The following NAALADL2 variants were observed in gnomAD, a reference collection of about 807,000 sequenced individuals.
NAALADL2 encodes the protein N-acetylated alpha-linked acidic dipeptidase like 2.
NAALADL2 carries 76 observed loss-of-function variants against 87.2 expected under a neutral mutation model. That is an observed-to-expected ratio of 0.87 (90% CI 0.72 to 1.05). NAALADL2 has a LOEUF of 1.05. Ranked by LOEUF, NAALADL2 falls within the 50% of genes least tolerant of loss-of-function variation. NAALADL2 has a pLI of 0.00. For missense variants in NAALADL2, 1,089 were observed against 945.8 expected, an observed-to-expected ratio of 1.15 and a Z score of -1.99; for synonymous variants, 354 against 331.0, an observed-to-expected ratio of 1.07 and a Z score of -0.75.
At chr3:175,153,034 T>C (rs1440164823) in intron 2 of NAALADL2, among the ~76,000 whole-genome samples, 2 of 152,308 alleles carry the variant, frequency 1.3e-5, no homozygotes, top group African/African-American at 2.4e-5. Context: ...ACTTCTAACA[T>C]TGATATGCAT....
intron 11 of NAALADL2, among the ~76,000 whole-genome samples, chr3:175,717,483 G>A (rs745605033): frequency 2.6e-5 from 4 of 152,042 alleles, no homozygotes; most frequent in Non-Finnish European, 4.4e-5. Context: ...CTTGAGCCCA[G>A]GAGTTTGAGA....
chr3:175,525,406 TTC>T (rs1175054803), intron 9 of NAALADL2, among the ~76,000 whole-genome samples: 4 of 152,140 alleles, frequency 2.6e-5, no homozygotes, highest in Non-Finnish European at 5.9e-5. Flanking sequence ...TACTTATCCA[TTC>T]TCTGAGTCTA....
chr3:175,221,511 T>C (rs1743363936), intron 2 of NAALADL2, among the ~76,000 whole-genome samples: 1 of 152,130 alleles, frequency 6.6e-6, no homozygotes, highest in South Asian at 2.1e-4. Context: ...GTTTTTCTTT[T>C]TCTGCTTATT....
In NAALADL2 at chr3:174,771,949, CAT is replaced by C. The variant is rs1166385300; in HGVS notation, c.-9+34206_-9+34207del. Among the ~76,000 whole-genome samples, 6 of 152,280 alleles carry C rather than the reference CAT, an allele frequency of 3.9e-5. No individual in the cohort carries two copies. In the South Asian group the frequency reaches 6.2e-4, roughly 16 times the overall value. On this transcript the variant is annotated intron_variant, in intron 3 of 3. Coordinates refer to the NAALADL2 transcript ENST00000434257. ...ACTGTTCATTCTTACTCTTATCAAACATATGTGATCAGGCATTGCTCTAGGTA... is the reference window on the plus strand; with the variant it reads ...ACTGTTCATTCTTACTCTTATCAAACATGTGATCAGGCATTGCTCTAGGTA...
intron 3 of NAALADL2, among the ~76,000 whole-genome samples, chr3:174,750,936 C>T (rs980995731): frequency 6.6e-6 from 1 of 152,026 alleles, no homozygotes; most frequent in Non-Finnish European, 1.5e-5. Context: ...TCCAGTCAGC[C>T]CTATATGCCA....
chr3:175,176,600 G>A (rs1223924276), intron 2 of NAALADL2, among the ~76,000 whole-genome samples: 2 of 152,074 alleles, frequency 1.3e-5, no homozygotes, highest in Non-Finnish European at 2.9e-5. Flanking sequence ...TTGGATCAGT[G>A]GGGTGGGCCT....
intron 1 of NAALADL2, among the ~76,000 whole-genome samples, chr3:174,908,320 C>G (rs1036553007): frequency 2.0e-5 from 3 of 151,994 alleles, no homozygotes; most frequent in Non-Finnish European, 2.9e-5. Context: ...TTTTAGAGCT[C>G]AAGGACAGAA....
At chr3:174,861,007 A>G (rs1215570211) in intron 1 of NAALADL2, among the ~76,000 whole-genome samples, 1 of 152,132 alleles carries the variant, frequency 6.6e-6, no homozygotes, top group Admixed American at 6.6e-5. Flanking sequence ...AATAATTTGA[A>G]TGGTGTGCTT....
chr3:175,143,551 CAA>C (rs200363916), intron 2 of NAALADL2, among the ~76,000 whole-genome samples: 49,162 of 113,652 alleles, frequency 0.43, 10,195 homozygotes, highest in East Asian at 0.56. Context: ...CAATGTTAGC[CAA>C]AAAAAAAAAA....
intron 3 of NAALADL2, among the ~76,000 whole-genome samples, chr3:174,788,464 G>A (rs920521614): frequency 6.6e-6 from 1 of 152,142 alleles, no homozygotes; most frequent in Admixed American, 6.6e-5. Context: ...CAACCAGTTT[G>A]GTTTCTTCTT....
At chr3:175,383,220 ATGTTGT>A (rs1056529828) in intron 5 of NAALADL2, among the ~76,000 whole-genome samples, 2 of 151,952 alleles carry the variant, frequency 1.3e-5, no homozygotes, top group Non-Finnish European at 2.9e-5. Flanking sequence ...TTTGAAATAC[ATGTTGT>A]TGTTGTTGTT....
chr3:175,686,663 T>A (rs1736341449), intron 11 of NAALADL2, among the ~76,000 whole-genome samples: 2 of 152,164 alleles, frequency 1.3e-5, no homozygotes, highest in Admixed American at 6.6e-5. Context: ...GCAATTACAT[T>A]ATTAGCTTTA....
intron 1 of NAALADL2, among the ~76,000 whole-genome samples, chr3:174,954,697 C>T (rs987235174): frequency 2.0e-5 from 3 of 151,960 alleles, no homozygotes; most frequent in Non-Finnish European, 2.9e-5. Context: ...TCCAACAACA[C>T]GATAGAGAAT....
intron 3 of NAALADL2, among the ~76,000 whole-genome samples, chr3:174,849,181 T>C (rs116467957): frequency 0.019 from 2,907 of 152,294 alleles, 103 homozygotes; most frequent in African/African-American, 0.066. Context: ...TACTATGGAC[T>C]TTATAAACAC....
intron 2 of NAALADL2, among the ~76,000 whole-genome samples, chr3:175,186,254 G>C (rs1349283979): frequency 6.6e-6 from 1 of 152,004 alleles, no homozygotes; most frequent in Non-Finnish European, 1.5e-5. Context: ...TACCCCTATA[G>C]ATCCTGAGAG....
chr3:175,310,885 T>G (rs979770795), intron 4 of NAALADL2, among the ~76,000 whole-genome samples: 4 of 152,108 alleles, frequency 2.6e-5, no homozygotes, highest in Non-Finnish European at 4.4e-5. Flanking sequence ...TTTCTGTTCC[T>G]TTTGAATATA....
chr3:175,017,138 G>A (rs73032328), intron 1 of NAALADL2, among the ~76,000 whole-genome samples: 22,573 of 151,688 alleles, frequency 0.15, 3,277 homozygotes, highest in African/African-American at 0.38. Flanking sequence ...TTAATTGGAT[G>A]ATTTAAAATA....
intron 4 of NAALADL2, among the ~76,000 whole-genome samples, chr3:175,257,656 T>C (rs114205946): frequency 0.013 from 1,966 of 152,212 alleles, 46 homozygotes; most frequent in African/African-American, 0.045. Context: ...TTAGAAATGA[T>C]ATATACATCC....
rs920187153 is a variant in NAALADL2 at position 175,805,330 on chromosome 3, C to G, written c.*2127C>G. 2 of 151,900 alleles carry G rather than the reference C, an allele frequency of 1.3e-5. No homozygotes were observed. Among genetic ancestry groups the G allele is most frequent in the African/African-American group, 4.8e-5 (2 of 41,408 alleles). 9.4% of individuals were successfully genotyped at this position (151,900 alleles called of 1,614,324 possible). On this transcript the variant is annotated 3_prime_UTR_variant, in exon 14 of 14. Transcript: ENST00000454872. Reference sequence around the variant, plus strand: ...AGATTGCGTACCTAGGTAAGTCACACTGTATAGATAAAAACCTTCTTCTGT... The same window carrying G: ...AGATTGCGTACCTAGGTAAGTCACAGTGTATAGATAAAAACCTTCTTCTGT...
Sources: gnomAD v4.1 joint callset for allele counts (sites outside exome capture counted in the v4.1 genomes callset) on GRCh38, gnomAD v4.1.1 for gene constraint, MANE v1.5 for transcripts, NCBI Gene and HGNC (gene_info 2026-07-23, HGNC 2026-07-21) for gene names.